GRAMD2B: variants seen among roughly 807,000 people sequenced by gnomAD.
GRAMD2B encodes GRAM domain-containing protein 2B.
Under a neutral mutation model 59.2 loss-of-function variants are expected in GRAMD2B, and 41 were observed. That is an observed-to-expected ratio of 0.69 (90% CI 0.54 to 0.90). The LOEUF (loss-of-function observed/expected upper bound fraction) is 0.90. GRAMD2B is among the 40% of genes least tolerant of loss of function. The pLI is 0.00. For missense variants in GRAMD2B, 424 were observed against 500.5 expected (o/e 0.85, Z 1.46); for synonymous variants, 161 against 182.7 (o/e 0.88, Z 0.96).
chr5:126,458,756 G>C (rs1347401845), intron 1 of GRAMD2B: 2 of 152,170 alleles, frequency 1.3e-5, no homozygotes, highest in African/African-American at 4.8e-5. Context: ...CAGGGCGAGT[G>C]AGGAGGAAGT....
intron 1 of GRAMD2B, among the ~76,000 whole-genome samples, chr5:126,372,701 A>G (rs547495424): frequency 5.9e-5 from 9 of 152,292 alleles, no homozygotes; most frequent in Non-Finnish European, 1.2e-4. Context: ...CAAGGGTATA[A>G]TTCTGTGATT....
chr5:126,375,234 T>C (rs781126304), intron 1 of GRAMD2B, among the ~76,000 whole-genome samples: 8 of 152,222 alleles, frequency 5.3e-5, no homozygotes, highest in East Asian at 3.8e-4. Context: ...GATTTCTAAA[T>C]TGATCTTATG....
chr5:126,371,581 G>T (rs1039324702), intron 1 of GRAMD2B: 1 of 1,280,390 alleles, frequency 7.8e-7, no homozygotes, highest in Non-Finnish European at 1.0e-6. Flanking sequence ...GGTACAGCCT[G>T]GGCCTGGCCA....
intron 1 of GRAMD2B, among the ~76,000 whole-genome samples, chr5:126,416,600 ATCT>A (rs1307221165): frequency 6.6e-6 from 1 of 152,188 alleles, no homozygotes; most frequent in Admixed American, 6.5e-5. Context: ...GACAGAAAAC[ATCT>A]TCTCTGAGAT....
chr5:126,414,101 A>C (rs1436488189), intron 1 of GRAMD2B, among the ~76,000 whole-genome samples: 1 of 152,162 alleles, frequency 6.6e-6, no homozygotes, highest in Non-Finnish European at 1.5e-5. Context: ...TTAGACATCC[A>C]GTGCAGAAAA....
At chr5:126,421,467 T>C (rs1759721963), upstream of GRAMD2B, among the ~76,000 whole-genome samples, 2 of 152,286 alleles carry the variant, frequency 1.3e-5, no homozygotes, top group South Asian at 4.1e-4. Flanking sequence ...GAGGCAACTA[T>C]GGGCACCAAG....
At chr5:126,458,869 C>T (rs1050209725) in intron 1 of GRAMD2B, 6 of 152,144 alleles carry the variant, frequency 3.9e-5, no homozygotes, top group Non-Finnish European at 5.9e-5. Context: ...ACAAACGGGT[C>T]GGTGTTTTCT....
intron 12 of GRAMD2B, 67 bp from the exon 13 acceptor site, chr5:126,488,732 A>G: frequency 9.3e-7 from 1 of 1,074,006 alleles, no homozygotes; most frequent in Non-Finnish European, 1.4e-6. Flanking sequence ...ATAAATTTTA[A>G]ATGTGTTCAT....
chr5:126,382,767 T>C (rs2149706618), intron 1 of GRAMD2B, among the ~76,000 whole-genome samples: 1 of 152,300 alleles, frequency 6.6e-6, no homozygotes, highest in East Asian at 1.9e-4. Context: ...TAAAAAATCT[T>C]GTTTTGTCAT....
intron 1 of GRAMD2B, among the ~76,000 whole-genome samples, chr5:126,450,408 T>C (rs528048453): frequency 6.6e-6 from 1 of 152,154 alleles, no homozygotes; most frequent in Non-Finnish European, 1.5e-5. Flanking sequence ...TGGATAAAAT[T>C]TATTAGCATA....
chr5:126,445,046 C>T (rs558104046), intron 1 of GRAMD2B, among the ~76,000 whole-genome samples: 7 of 152,254 alleles, frequency 4.6e-5, no homozygotes, highest in South Asian at 4.1e-4. Context: ...TTTATGGATG[C>T]GTAGTATTCC....
chr5:126,382,791 T>A (rs1406586470), intron 1 of GRAMD2B, among the ~76,000 whole-genome samples: 1 of 152,144 alleles, frequency 6.6e-6, no homozygotes, highest in East Asian at 1.9e-4. Flanking sequence ...ACCGGAATTG[T>A]TTTTCTGGTT....
rs79782138 is a variant in GRAMD2B, at chr5:126,407,212, A to G, written c.125+35645A>G. ...CAAGGTTTTGGTTCATTAGGTGCCT[A>G]GTCTAAACAACTGAGCTAATATGAT... On this transcript the variant is annotated intron_variant, in intron 1 of 8. Transcript: ENST00000506445. 2.5e-3 allele frequency among the ~76,000 whole-genome samples: 387 copies of G among 152,196 alleles called. 13 individuals carry two copies. In the East Asian group the frequency reaches 0.072, roughly 28 times the overall value.
At chr5:126,447,498 T>TA (rs1193461047) in intron 1 of GRAMD2B, among the ~76,000 whole-genome samples, 3 of 151,646 alleles carry the variant, frequency 2.0e-5, no homozygotes, top group Non-Finnish European at 4.4e-5. Context: ...CCGTCTCTAC[T>TA]AAAAAAATAC....
intron 13 of GRAMD2B, among the ~76,000 whole-genome samples, chr5:126,491,676 A>G (rs554534419): frequency 2.7e-4 from 41 of 151,792 alleles, no homozygotes; most frequent in Admixed American, 9.8e-4. Flanking sequence ...CAAGGTTTCT[A>G]CTCCCATCAC....
At chr5:126,484,616 T>C in intron 10 of GRAMD2B, 92 bp downstream of exon 10, 1 of 1,324,074 alleles carries the variant, frequency 7.6e-7, no homozygotes, top group South Asian at 1.5e-5. Flanking sequence ...CATCTTGCTC[T>C]ATCACCCAGG....
intron 1 of GRAMD2B, among the ~76,000 whole-genome samples, chr5:126,448,634 G>T (rs974612473): frequency 5.3e-5 from 8 of 152,092 alleles, no homozygotes; most frequent in African/African-American, 1.9e-4. Context: ...AGTGGTCCAG[G>T]CAGGAGGCAT....
At chr5:126,489,876 C>G (rs2126978484) in intron 13 of GRAMD2B, among the ~76,000 whole-genome samples, 1 of 152,242 alleles carries the variant, frequency 6.6e-6, no homozygotes, top group Middle Eastern at 3.4e-3. Flanking sequence ...TACAGTTATG[C>G]TTACTTGGGA....
chr5:126,484,158 T>C (rs1015254834), intron 9 of GRAMD2B, among the ~76,000 whole-genome samples: 1 of 152,214 alleles, frequency 6.6e-6, no homozygotes, highest in African/African-American at 2.4e-5. Flanking sequence ...AATAATATTT[T>C]TAATTGTTAC....
Sources: gnomAD v4.1 joint callset for allele counts (sites outside exome capture counted in the v4.1 genomes callset) on GRCh38, gnomAD v4.1.1 for gene constraint, MANE v1.5 for transcripts, NCBI Gene and HGNC (gene_info 2026-07-23, HGNC 2026-07-21) for gene names.